Variants in MMP28 observed in about 807,000 individuals in gnomAD.
MMP28 encodes the protein matrix metallopeptidase 28.
In MMP28, 55 loss-of-function variants were observed where a neutral mutation model predicts 60.5. The ratio of observed to expected loss-of-function variants is 0.91; its 90% CI spans 0.73 to 1.14. The LOEUF (loss-of-function observed/expected upper bound fraction) is 1.14, where lower values mean the gene tolerates loss of function less well. MMP28 is among the 50% of genes most tolerant of loss of function. The pLI is 0.00. For missense variants in MMP28, 686 were observed against 738.3 expected (o/e 0.93, Z 0.82); for synonymous variants, 318 against 312.5 (o/e 1.02, Z -0.18).
chr17:35,793,836 G>A (rs550929761), intron 1 of MMP28, among the ~76,000 whole-genome samples: 5 of 152,284 alleles, frequency 3.3e-5, no homozygotes, highest in Admixed American at 6.5e-5. Context: ...AGTGGCTCAC[G>A]CCTGTAATCC....
intron 1 of MMP28, among the ~76,000 whole-genome samples, chr17:35,787,416 A>C (rs768299829): frequency 6.6e-6 from 1 of 152,046 alleles, no homozygotes; most frequent in African/African-American, 2.4e-5. Context: ...TTTTGGGTAA[A>C]GGCTTCCCCT....
At chr17:35,759,609 G>T (rs1437774556) in intron 2 of MMP28, among the ~76,000 whole-genome samples, 1 of 152,160 alleles carries the variant, frequency 6.6e-6, no homozygotes, top group African/African-American at 2.4e-5. Flanking sequence ...GCTGAGGCAG[G>T]AGAATTGCTT....
chr17:35,763,556 G>GAT (rs2085867919), downstream of MMP28, among the ~76,000 whole-genome samples: 5 of 150,302 alleles, frequency 3.3e-5, no homozygotes, highest in Admixed American at 2.7e-4. Flanking sequence ...AAAGTGCTGA[G>GAT]ATTACAGGCG....
intron 3 of MMP28, among the ~76,000 whole-genome samples, chr17:35,776,330 C>T (rs1469540771): frequency 1.3e-5 from 2 of 151,858 alleles, no homozygotes; most frequent in African/African-American, 4.8e-5. Context: ...TGCCACCACA[C>T]CAGGCTAATT....
chr17:35,761,026 A>C, downstream of MMP28: 1 of 1,513,582 alleles, frequency 6.6e-7, no homozygotes, highest in Non-Finnish European at 8.9e-7. Context: ...AATCCAGCCC[A>C]TCACCATGAA....
intron 1 of MMP28, among the ~76,000 whole-genome samples, chr17:35,786,728 CT>C (rs1009721591): frequency 7.9e-6 from 1 of 126,938 alleles, no homozygotes; most frequent in Non-Finnish European, 1.6e-5. Flanking sequence ...TGAATGATAG[CT>C]GGTATTCTGC....
chr17:35,756,372 T>G (rs2085737670), exon 3 of MMP28: 1 of 985,168 alleles, frequency 1.0e-6, no homozygotes, highest in African/African-American at 1.7e-5. Flanking sequence ...TAGGCCGTTG[T>G]TGTTACTTAC....
At chr17:35,772,528 T>C (rs1027280719) in intron 4 of MMP28, among the ~76,000 whole-genome samples, 4 of 152,128 alleles carry the variant, frequency 2.6e-5, no homozygotes, top group Non-Finnish European at 5.9e-5. Flanking sequence ...TCCCAGGCCA[T>C]ACAAGGGCTT....
intron 1 of MMP28, among the ~76,000 whole-genome samples, chr17:35,780,555 C>T (rs2143459449): frequency 6.6e-6 from 1 of 152,292 alleles, no homozygotes; most frequent in Admixed American, 6.5e-5. Context: ...CATCCCTAAA[C>T]CAGGCACAGT....
chr17:35,771,748 T>C (rs1285564247), intron 4 of MMP28, among the ~76,000 whole-genome samples: 3 of 91,890 alleles, frequency 3.3e-5, no homozygotes, highest in African/African-American at 4.1e-5. Flanking sequence ...TATATATATA[T>C]ATATATAAAA....
At chr17:35,762,918 C>A (rs587692965), downstream of MMP28, among the ~76,000 whole-genome samples, 4 of 152,018 alleles carry the variant, frequency 2.6e-5, no homozygotes, top group South Asian at 6.2e-4. Flanking sequence ...GAGGTCAGAT[C>A]GAGACCATCC....
chr17:35,764,488 G>T, downstream of MMP28: 1 of 1,577,216 alleles, frequency 6.3e-7, no homozygotes, highest in Admixed American at 1.8e-5. Flanking sequence ...CCGCGCCGCG[G>T]GGGCTGTGCT....
chr17:35,761,034 G>A, downstream of MMP28: 1 of 1,473,576 alleles, frequency 6.8e-7, no homozygotes, highest in Non-Finnish European at 9.1e-7. Context: ...CCATCACCAT[G>A]AAGTCCAACC....
chr17:35,776,653 G>A (rs1004829499), intron 3 of MMP28, among the ~76,000 whole-genome samples: 6 of 152,082 alleles, frequency 3.9e-5, no homozygotes, highest in Non-Finnish European at 7.4e-5. Flanking sequence ...TTGAGAGGCC[G>A]AGGTGGGCGA....
downstream of MMP28, among the ~76,000 whole-genome samples, chr17:35,763,103 C>T (rs2085856227): frequency 7.1e-6 from 1 of 141,470 alleles, no homozygotes; most frequent in South Asian, 2.2e-4. Flanking sequence ...GCCTGGGCGA[C>T]AGAGCGAGAC....
rs563616395 is a variant in MMP28, at chr17:35,768,684, C to A, written c.851-305G>T. Among the ~76,000 whole-genome samples the A allele has an allele frequency of 2.6e-5, 4 of 152,132 alleles. No individual in the cohort carries two copies. The East Asian group carries it at 7.7e-4, about 29-fold the overall frequency. On this transcript the variant is annotated intron_variant, in intron 5 of 7. Coordinates refer to ENST00000605424, the MANE Select transcript of MMP28 (RefSeq NM_024302.5). ...AATTAACCAGGCATGGTGGTGCACA[C>A]GTGTAGTCCCAGCTACTTGGGAGGC...
chr17:35,779,243 C>A lies in MMP28; in HGVS notation c.191+1G>T, dbSNP rs752750239. 1.2e-6 allele frequency: 2 copies of A among 1,610,978 alleles called. No homozygotes were observed. The highest frequency in any genetic ancestry group is 2.7e-5 in the African/African-American group (2 of 74,868). On this transcript the variant is annotated splice_donor_variant, in intron 2 of 7. Transcript: ENST00000605424. LOFTEE classifies it high-confidence loss of function. The stretch of plus-strand genomic sequence containing the variant: ...AAGTCCTCCACATCCCTCCACCCTA[C>A]CTGATGGCATCGCTGAATCGAGTGG...
At chr17:35,783,950 A>C (rs1555609958) in intron 1 of MMP28, among the ~76,000 whole-genome samples, 1 of 152,172 alleles carries the variant, frequency 6.6e-6, no homozygotes, top group African/African-American at 2.4e-5. Flanking sequence ...AAAGAATGAG[A>C]AAAAGAAATT....
At position 35,766,599 on chromosome 17, in the gene MMP28, G is replaced by A. The variant is rs763823902; in HGVS notation, c.1464C>T (p.Leu488=). The change falls in exon 8 of 8, where the codon CTC becomes CTT. Residue 488 remains leucine, a synonymous_variant. Transcript: ENST00000605424. The surrounding 1 kb of genome is among the most constrained non-coding windows in gnomAD (Gnocchi z 4.3). The stretch of plus-strand genomic sequence containing the variant: ...TGGTTGCCTGCAGTTTGGCCTGGTC[G>A]AGGCGCCAGTAGCGGTCATCTCGGA... ...IFFRDDRYWR[L]DQAKLQATTS... is the part of the protein sequence containing the mutation. 28 of 1,612,450 alleles carry A rather than the reference G, an allele frequency of 1.7e-5. No homozygotes were observed. In the African/African-American group the frequency reaches 2.9e-4, roughly 17 times the overall value.
Sources: gnomAD v4.1 joint callset for allele counts (sites outside exome capture counted in the v4.1 genomes callset) on GRCh38, gnomAD v4.1.1 for gene constraint, Gnocchi (gnomAD v3.1) non-coding constraint, MANE v1.5 for transcripts, NCBI Gene and HGNC (gene_info 2026-07-23, HGNC 2026-07-21) for gene names.